The following CD99 variants were observed in gnomAD, a reference collection of about 807,000 sequenced individuals.
The protein encoded by CD99 is CD99 molecule (Xg blood group).
CD99 carries 19 observed loss-of-function variants against 28.4 expected under a neutral mutation model. That is an observed-to-expected ratio of 0.67 (90% CI 0.47 to 0.98). The LOEUF (loss-of-function observed/expected upper bound fraction) is 0.98. Among genes scored for constraint, CD99 ranks in the 50% least tolerant of loss-of-function variants. CD99 has a pLI of 0.00. For missense variants in CD99, 283 were observed against 248.8 expected (o/e 1.14, Z -0.92); for synonymous variants, 103 against 92.1 (o/e 1.12, Z -0.67).
At chrX:2,714,484 C>A in intron 2 of CD99, 30 bp downstream of exon 2, 1 of 1,565,102 alleles carries the variant, frequency 6.4e-7, no homozygotes, top group Non-Finnish European at 8.8e-7. Flanking sequence ...TTTAAAATCC[C>A]GTCAATATTT....
chrX:2,728,642 C>A (rs1288361805), intron 8 of CD99, among the ~76,000 whole-genome samples: 2 of 152,026 alleles, frequency 1.3e-5, no homozygotes, highest in Admixed American at 1.3e-4. Context: ...CTTGCTTCTT[C>A]TAGAAGTAGC....
At chrX:2,714,081 C>T (rs1037472341) in intron 1 of CD99, among the ~76,000 whole-genome samples, 1 of 152,008 alleles carries the variant, frequency 6.6e-6, no homozygotes, top group Non-Finnish European at 1.5e-5. Context: ...AATTTTGTTC[C>T]CCATGTTGTT....
intron 3 of CD99, chrX:2,718,041 A>G (rs7057534): frequency 0.65 from 116,382 of 178,606 alleles, 38,867 homozygotes; most frequent in Non-Finnish European, 0.74. Flanking sequence ...TCCCGGGTTC[A>G]GTGATTCTCC....
At chrX:2,736,499 G>A (rs1389672780) in intron 8 of CD99, among the ~76,000 whole-genome samples, 1 of 152,038 alleles carries the variant, frequency 6.6e-6, no homozygotes. Flanking sequence ...AAGCGACACC[G>A]ACAACATTTG....
chrX:2,729,075 C>A (rs957533144), intron 8 of CD99, among the ~76,000 whole-genome samples: 3 of 151,978 alleles, frequency 2.0e-5, no homozygotes, highest in African/African-American at 7.2e-5. Flanking sequence ...AGGTGGTTCC[C>A]CCCCGCAATC....
At position 2,699,470 on chromosome X, in the gene CD99, T is replaced by C. The variant is rs1385425718; in HGVS notation, c.67+8043T>C. Among the ~76,000 whole-genome samples, 11 of 149,194 alleles carry C rather than the reference T, an allele frequency of 7.4e-5. No individual in the cohort carries two copies. In the East Asian group the frequency reaches 2.0e-3, roughly 26 times the overall value. On this transcript the variant is annotated intron_variant, in intron 1 of 9. Coordinates refer to ENST00000381192, the MANE Select transcript of CD99 (RefSeq NM_002414.5). ...GGTGTGAGCCACCGCGCCCAGCCTT[T>C]TTTTTTTTTTTTTTTTTAAATTACA... is the stretch of plus-strand genomic sequence containing the variant.
intron 1 of CD99, among the ~76,000 whole-genome samples, chrX:2,700,520 C>G (rs990323741): frequency 1.3e-5 from 2 of 151,854 alleles, no homozygotes; most frequent in Admixed American, 1.3e-4. Context: ...ATCCATTCAT[C>G]CATGCATCCA....
intron 1 of CD99, 193 bp from the exon 2 acceptor site, chrX:2,714,229 T>C (rs2048578355): frequency 6.4e-6 from 1 of 156,898 alleles, no homozygotes; most frequent in African/African-American, 2.4e-5. Flanking sequence ...AAACCTAGGC[T>C]AACATATTCT....
chrX:2,700,397 G>T (rs1252405522), intron 1 of CD99, among the ~76,000 whole-genome samples: 2 of 151,056 alleles, frequency 1.3e-5, no homozygotes, highest in African/African-American at 4.9e-5. Flanking sequence ...ATCCAGCCAT[G>T]CATCCTCCTT....
At chrX:2,740,360 A>T (rs967986281) in intron 9 of CD99, among the ~76,000 whole-genome samples, 62 of 152,140 alleles carry the variant, frequency 4.1e-4, no homozygotes, top group African/African-American at 1.4e-3. Context: ...CCTCCAAAAT[A>T]GTTTTAAGAC....
rs1424197005 is a variant in CD99 at position 2,696,030 on chromosome X, A to G, written c.67+4603A>G. 2.0e-5 allele frequency among the ~76,000 whole-genome samples: 3 copies of G among 152,228 alleles called. No individual in the cohort carries two copies. The East Asian group carries it at 5.8e-4, about 29-fold the overall frequency. On this transcript the variant is annotated intron_variant, in intron 1 of 9. Transcript: ENST00000381192. ...CAAACTTTATTAACATGCGTTTTTC[A>G]TTGATACATGAGAGATACCTAGAAA...
intron 1 of CD99, among the ~76,000 whole-genome samples, chrX:2,698,929 A>G (rs2047705698): frequency 7.3e-6 from 1 of 136,518 alleles, no homozygotes; most frequent in South Asian, 2.3e-4. Flanking sequence ...AGGTGTTTTA[A>G]TTTTTTTTTT....
chrX:2,740,960 C>A lies in CD99; in HGVS notation c.*156C>A. 1.2e-6 allele frequency: 1 copy of A among 852,748 alleles called. No individual in the cohort carries two copies. Among genetic ancestry groups the A allele is most frequent in the Non-Finnish European group, 2.0e-6 (1 of 507,250 alleles). 52.8% of individuals were successfully genotyped at this position (852,748 alleles called of 1,614,324 possible). A position where few individuals can be genotyped will look rare whatever the true frequency, so the allele number is the denominator to read the frequency against. On this transcript the variant is annotated 3_prime_UTR_variant, in exon 10 of 10. Coordinates refer to ENST00000381192, the MANE Select transcript of CD99 (RefSeq NM_002414.5). Reference sequence around the variant, plus strand: ...ATCTTGCGATGTGCTTTGCTTGTTGCTGGGCGGATGATGTTTACTAACGAT... The same window carrying A: ...ATCTTGCGATGTGCTTTGCTTGTTGATGGGCGGATGATGTTTACTAACGAT...
chrX:2,726,128 C>T lies in CD99; in HGVS notation c.362-132C>T, dbSNP rs1246046150. 6 of 629,266 alleles carry T rather than the reference C, an allele frequency of 9.5e-6. No homozygotes were observed. The East Asian group carries it at 1.3e-4, about 14-fold the overall frequency. The allele number at this position is 629,266 out of a possible 1,614,324, so 39.0% of individuals were successfully genotyped here. A position where few individuals can be genotyped will look rare whatever the true frequency, so the allele number is the denominator to read the frequency against. ...CGGCATGCTTCCTTTGCAAATCGGT[C>T]AGCTCAGGCGTCTGAGATGTTCTGA... is the stretch of plus-strand genomic sequence containing the variant. On this transcript the variant is annotated intron_variant, in intron 7 of 9. Transcript: ENST00000381192.
chrX:2,721,350 C>T (rs1260281247), intron 5 of CD99, among the ~76,000 whole-genome samples: 2 of 151,712 alleles, frequency 1.3e-5, no homozygotes, highest in Non-Finnish European at 2.9e-5. Context: ...GTGCTGTGAT[C>T]ATATTAAACA....
Position 2,721,812 on chromosome X carries a change from G to A in CD99, c.263-815G>A, listed in dbSNP as rs149608494. Among the ~76,000 whole-genome samples the A allele has an allele frequency of 3.4e-4, 51 of 152,128 alleles. No individual in the cohort carries two copies. In the East Asian group the frequency reaches 7.4e-3, roughly 22 times the overall value. On this transcript the variant is annotated intron_variant, in intron 5 of 9. Transcript: ENST00000381192. Reference sequence around the variant, plus strand: ...GTAACTAATCCCTAATTCTGAAAATGTTATGTTTCTTCTGGCATTTTAGAA... The same window carrying A: ...GTAACTAATCCCTAATTCTGAAAATATTATGTTTCTTCTGGCATTTTAGAA...
At chrX:2,734,882 T>G (rs2049860356) in intron 8 of CD99, among the ~76,000 whole-genome samples, 1 of 152,084 alleles carries the variant, frequency 6.6e-6, no homozygotes, top group South Asian at 2.1e-4. Context: ...CAGCCTCCCT[T>G]ATGGTTGAGC....
At position 2,714,415 on chromosome X, in the gene CD99, C is replaced by G. The variant is rs368719394; in HGVS notation, c.68-7C>G. ...GTTTCTAAGTTGACTCTTTTTTTCT[C>G]TCTTAGATGGTGGTTTCGATTTATC... On this transcript the variant is annotated splice_region_variant and splice_polypyrimidine_tract_variant and intron_variant, in intron 1 of 9. Coordinates refer to ENST00000381192, the MANE Select transcript of CD99 (RefSeq NM_002414.5). 3.8e-6 allele frequency: 6 copies of G among 1,587,762 alleles called. No homozygotes were observed. In the African/African-American group the frequency reaches 4.0e-5, roughly 11 times the overall value.
intron 6 of CD99, among the ~76,000 whole-genome samples, chrX:2,723,102 G>A (rs1392920172): frequency 6.6e-6 from 1 of 152,202 alleles, no homozygotes; most frequent in South Asian, 2.1e-4. Flanking sequence ...CGTTCTCAGA[G>A]TACCCCTAGA....
Sources: allele counts gnomAD v4.1 joint callset (sites outside exome capture counted in the v4.1 genomes callset), GRCh38; gene constraint gnomAD v4.1.1; transcripts MANE v1.5; gene names NCBI Gene and HGNC (gene_info 2026-07-23, HGNC 2026-07-21).